RAP1GAP2: variants seen among roughly 807,000 people sequenced by gnomAD.
RAP1GAP2 encodes rap1 GTPase-activating protein 2.
In RAP1GAP2, 27 loss-of-function variants were observed where a neutral mutation model predicts 95.0. The ratio of observed to expected loss-of-function variants is 0.28; its 90% CI spans 0.21 to 0.39. The LOEUF is 0.39. Ranked by LOEUF, RAP1GAP2 falls within the 10% of genes least tolerant of loss-of-function variation. The probability of loss-of-function intolerance (pLI) is 1.00; values close to 1 mark genes in which losing one functional copy is unlikely to be tolerated. For synonymous variants in RAP1GAP2, 373 were observed against 380.9 expected, an observed-to-expected ratio of 0.98 and a Z score of 0.24; for missense variants, 771 against 970.0, an observed-to-expected ratio of 0.79 and a Z score of 2.72.
rs1292513241 is a variant in RAP1GAP2, at chr17:2,963,509, G to C, written c.279+47G>C. ...CCACCTGCCCTGCAGCCTGCTCTGG[G>C]TCCCGTCCCTGGGGAAATGATGGCG... On this transcript the variant is annotated intron_variant, in intron 6 of 24. Transcript: ENST00000254695. The surrounding 1 kb of genome is among the most constrained non-coding windows in gnomAD (Gnocchi z 4.8). 3 of 1,611,658 alleles carry C rather than the reference G, an allele frequency of 1.9e-6. No homozygotes were observed. Among genetic ancestry groups the C allele is most frequent in the African/African-American group, 1.3e-5 (1 of 74,872 alleles).
intron 23 of RAP1GAP2, among the ~76,000 whole-genome samples, chr17:3,031,703 T>C (rs569798591): frequency 2.2e-5 from 3 of 138,788 alleles, no homozygotes; most frequent in African/African-American, 5.6e-5. Flanking sequence ...GAACTCCAGG[T>C]CCAGATGTGA....
At chr17:2,956,147 G>C (rs751755791) in intron 3 of RAP1GAP2, among the ~76,000 whole-genome samples, 1 of 152,220 alleles carries the variant, frequency 6.6e-6, no homozygotes, top group Non-Finnish European at 1.5e-5. Flanking sequence ...AGAATGCCCC[G>C]CGTGGGTGGT....
rs1288658799 is a variant in RAP1GAP2, at chr17:2,870,033, T to C, written c.81-35251T>C. On this transcript the variant is annotated intron_variant, in intron 2 of 24. Coordinates refer to ENST00000254695, the MANE Select transcript of RAP1GAP2 (RefSeq NM_015085.5). This position sits in a 1 kb window ranked among gnomAD's most constrained non-coding sequence, Gnocchi z 4.4. ...GGTGCGTTGACCTGCAGAGCAGGCCTCAGGGGTGGGAATCTGTATGGCCCC... is the reference window on the plus strand; with the variant it reads ...GGTGCGTTGACCTGCAGAGCAGGCCCCAGGGGTGGGAATCTGTATGGCCCC... 6.6e-6 allele frequency among the ~76,000 whole-genome samples: 1 copy of C among 151,922 alleles called. No homozygotes were observed. The highest frequency in any genetic ancestry group is 1.9e-4 in the East Asian group (1 of 5,174).
intron 2 of RAP1GAP2, among the ~76,000 whole-genome samples, chr17:2,808,683 A>G (rs945802031): frequency 8.5e-5 from 13 of 152,196 alleles, no homozygotes; most frequent in African/African-American, 2.9e-4. Context: ...ACCCACTGTT[A>G]GATACCCTCC....
At chr17:2,830,456 C>T (rs2070774793) in intron 2 of RAP1GAP2, among the ~76,000 whole-genome samples, 1 of 151,882 alleles carries the variant, frequency 6.6e-6, no homozygotes, top group African/African-American at 2.4e-5. Flanking sequence ...TGGCTCACGC[C>T]TGTAATCCCA....
chr17:2,946,620 C>T (rs1748893327), intron 3 of RAP1GAP2, among the ~76,000 whole-genome samples: 1 of 152,222 alleles, frequency 6.6e-6, no homozygotes, highest in Non-Finnish European at 1.5e-5. Flanking sequence ...GGTATCTCTG[C>T]TGAGAGATGG....
chr17:2,897,989 C>T (rs988678544), intron 2 of RAP1GAP2, among the ~76,000 whole-genome samples: 7 of 148,668 alleles, frequency 4.7e-5, no homozygotes, highest in Non-Finnish European at 8.9e-5. Flanking sequence ...GGCATGATTA[C>T]GGCTCACTGT....
intron 2 of RAP1GAP2, among the ~76,000 whole-genome samples, chr17:2,814,442 G>T (rs932827878): frequency 6.6e-6 from 1 of 152,100 alleles, no homozygotes; most frequent in African/African-American, 2.4e-5. Context: ...TCCTTCCAGG[G>T]CCAGCTTCCA....
At chr17:2,858,243 A>G (rs1300533184) in intron 2 of RAP1GAP2, among the ~76,000 whole-genome samples, 1 of 152,162 alleles carries the variant, frequency 6.6e-6, no homozygotes, top group Non-Finnish European at 1.5e-5. Flanking sequence ...AGCTCCCATC[A>G]TGGAGTTTAT....
At chr17:2,852,246 G>A (rs140243055) in intron 2 of RAP1GAP2, among the ~76,000 whole-genome samples, 3 of 152,084 alleles carry the variant, frequency 2.0e-5, no homozygotes, top group East Asian at 1.9e-4. Flanking sequence ...AATCTCAGGA[G>A]TGGGGCCCGG....
chr17:2,984,177 C>T (rs755154472), intron 10 of RAP1GAP2, among the ~76,000 whole-genome samples: 9 of 152,018 alleles, frequency 5.9e-5, no homozygotes, highest in Non-Finnish European at 1.0e-4. Flanking sequence ...GGTGAAACCC[C>T]GTCTCTACTA....
At position 2,965,778 on chromosome 17, in the gene RAP1GAP2, C is replaced by T; in HGVS notation, c.596+135C>T. ...GGTGCACTGGCTGACGGGGACAGGC[C>T]TGCTGGAATCCTGGGGCTGTGTCTG... On this transcript the variant is annotated intron_variant, in intron 8 of 24. Transcript: ENST00000254695. This position sits in a 1 kb window ranked among gnomAD's most constrained non-coding sequence, Gnocchi z 4.7. 1 of 671,292 alleles carries T rather than the reference C, an allele frequency of 1.5e-6. No homozygotes were observed. Among genetic ancestry groups the T allele is most frequent in the Non-Finnish European group, 2.5e-6 (1 of 394,482 alleles). The allele number at this position is 671,292 out of a possible 1,614,324, so 41.6% of individuals were successfully genotyped here. A position where few individuals can be genotyped will look rare whatever the true frequency, so the allele number is the denominator to read the frequency against.
At chr17:2,941,552 G>A (rs1423570861) in intron 3 of RAP1GAP2, among the ~76,000 whole-genome samples, 2 of 152,202 alleles carry the variant, frequency 1.3e-5, no homozygotes, top group African/African-American at 2.4e-5. Context: ...CGTGAGATGA[G>A]GGAGGCAGTG....
intron 2 of RAP1GAP2, among the ~76,000 whole-genome samples, chr17:2,819,185 A>AT (rs1170488516): frequency 4.0e-5 from 6 of 150,994 alleles, no homozygotes; most frequent in African/African-American, 7.3e-5. Flanking sequence ...CACCCGGCTA[A>AT]TTTTTTTTGT....
upstream of RAP1GAP2, among the ~76,000 whole-genome samples, chr17:2,793,266 G>A (rs1340724945): frequency 6.6e-6 from 1 of 151,374 alleles, no homozygotes. Context: ...CGATTCTCCT[G>A]TCTCAGCCTC....
Position 2,983,821 on chromosome 17 carries a change from C to CA in RAP1GAP2, c.730-1162_730-1161insA, listed in dbSNP as rs2045461392. Among the ~76,000 whole-genome samples the CA allele has an allele frequency of 3.3e-5, 5 of 152,264 alleles. No individual in the cohort carries two copies. In the South Asian group the frequency reaches 1.0e-3, roughly 32 times the overall value. The stretch of plus-strand genomic sequence containing the variant: ...CACTGAGAATCCCTCCTTTTTATTG[C>CA]TGAGGTTATCCCAACAGCTCCCAGA... On this transcript the variant is annotated intron_variant, in intron 10 of 24. Coordinates refer to ENST00000254695, the MANE Select transcript of RAP1GAP2 (RefSeq NM_015085.5).
intron 2 of RAP1GAP2, among the ~76,000 whole-genome samples, chr17:2,893,931 A>C (rs942094733): frequency 6.6e-6 from 1 of 152,222 alleles, no homozygotes; most frequent in African/African-American, 2.4e-5. Context: ...CCATCCCAGC[A>C]GGCTGCCTTC....
chr17:2,953,490 G>C (rs1002632346), intron 3 of RAP1GAP2, among the ~76,000 whole-genome samples: 1 of 152,140 alleles, frequency 6.6e-6, no homozygotes, highest in African/African-American at 2.4e-5. Context: ...TTGAATGATT[G>C]TATAGTTTTT....
At chr17:2,962,526 C>T (rs2044381742) in intron 4 of RAP1GAP2, 144 bp from the exon 5 acceptor site, 2 of 806,738 alleles carry the variant, frequency 2.5e-6, no homozygotes, top group Non-Finnish European at 3.8e-6. Flanking sequence ...CGCCCCTGGC[C>T]AGGTGTGATG....
Sources: gnomAD v4.1 joint callset for allele counts (sites outside exome capture counted in the v4.1 genomes callset) on GRCh38, gnomAD v4.1.1 for gene constraint, Gnocchi (gnomAD v3.1) non-coding constraint, MANE v1.5 for transcripts, NCBI Gene and HGNC (gene_info 2026-07-23, HGNC 2026-07-21) for gene names.